Variants in CTNNA2 observed in about 807,000 individuals in gnomAD.
CTNNA2 encodes the protein catenin alpha-2.
A neutral mutation model predicts 101.0 loss-of-function variants in CTNNA2; 42 were observed. The ratio of observed to expected loss-of-function variants is 0.42; its 90% confidence interval spans 0.32 to 0.54. The LOEUF (loss-of-function observed/expected upper bound fraction) is 0.54. CTNNA2 is among the 20% of genes least tolerant of loss of function. CTNNA2 has a pLI of 0.14. For missense variants in CTNNA2, 871 were observed against 1,223.1 expected (o/e 0.71, Z 4.29); for synonymous variants, 450 against 456.4 (o/e 0.99, Z 0.18).
chr2:79,952,190 A>AT (rs1214595903), intron 7 of CTNNA2, among the ~76,000 whole-genome samples: 2 of 152,080 alleles, frequency 1.3e-5, no homozygotes, highest in Non-Finnish European at 2.9e-5. Context: ...CCCACTGCTT[A>AT]TTTTTTATAG....
chr2:79,787,157 A>T (rs1001997611), intron 3 of CTNNA2, among the ~76,000 whole-genome samples: 1 of 152,138 alleles, frequency 6.6e-6, no homozygotes, highest in Non-Finnish European at 1.5e-5. Context: ...CAAAATAATC[A>T]CCGCCTTTCT....
intron 3 of CTNNA2, among the ~76,000 whole-genome samples, chr2:79,815,978 G>T (rs917993613): frequency 4.7e-5 from 7 of 148,418 alleles, no homozygotes; most frequent in Non-Finnish European, 1.0e-4. Context: ...TCACCTCCTT[G>T]GTTAGGTGTA....
At chr2:80,334,002 G>T (rs1478005879) in intron 7 of CTNNA2, among the ~76,000 whole-genome samples, 1 of 152,198 alleles carries the variant, frequency 6.6e-6, no homozygotes, top group African/African-American at 2.4e-5. Context: ...GCACGTCAAA[G>T]GCACTCTCCA....
intron 2 of CTNNA2, among the ~76,000 whole-genome samples, chr2:79,703,250 T>G (rs1685128963): frequency 6.6e-6 from 1 of 152,222 alleles, no homozygotes; most frequent in Non-Finnish European, 1.5e-5. Flanking sequence ...AAACATCTGG[T>G]TGAAAAGCAG....
chr2:79,875,451 A>G (rs1291860447), intron 6 of CTNNA2, among the ~76,000 whole-genome samples: 3 of 152,220 alleles, frequency 2.0e-5, no homozygotes, highest in Admixed American at 6.5e-5. Flanking sequence ...AATTCATAGA[A>G]GAAAAATAGG....
intron 4 of CTNNA2, among the ~76,000 whole-genome samples, chr2:79,399,069 G>C (rs989140521): frequency 2.0e-5 from 3 of 152,044 alleles, no homozygotes; most frequent in African/African-American, 7.2e-5. Flanking sequence ...CACTATTTAT[G>C]ACAGCTCACT....
intron 3 of CTNNA2, among the ~76,000 whole-genome samples, chr2:79,786,071 A>G (rs925401): frequency 0.011 from 1,614 of 152,244 alleles, 51 homozygotes; most frequent in East Asian, 0.095. Flanking sequence ...ATTGTTATTG[A>G]TTGGAAGAGG....
intron 7 of CTNNA2, among the ~76,000 whole-genome samples, chr2:80,152,140 A>G (rs1047821112): frequency 6.6e-6 from 1 of 152,212 alleles, no homozygotes. Context: ...TATATATTTC[A>G]TCTTTCTAGA....
At chr2:79,597,077 C>A (rs1003635393) in intron 1 of CTNNA2, among the ~76,000 whole-genome samples, 1 of 152,176 alleles carries the variant, frequency 6.6e-6, no homozygotes, top group African/African-American at 2.4e-5. Flanking sequence ...CAGTTTGAAA[C>A]AGTATTAAAT....
At position 79,300,448 on chromosome 2, in the gene CTNNA2, A is replaced by G. The variant is rs573417753; in HGVS notation, c.-405-12261A>G. ...TCCTGGATCTCAGAGACCCTAAAGA[A>G]GAAGTTACACCACTTTCTTCTCTCT... On this transcript the variant is annotated intron_variant, in intron 2 of 21. Transcript: ENST00000466387. Among the ~76,000 whole-genome samples the G allele has an allele frequency of 2.6e-5, 4 of 152,344 alleles. No individual in the cohort carries two copies. The East Asian group carries it at 7.7e-4, about 29-fold the overall frequency.
chr2:79,306,870 T>A (rs1676260154), intron 2 of CTNNA2, among the ~76,000 whole-genome samples: 1 of 152,228 alleles, frequency 6.6e-6, no homozygotes, highest in African/African-American at 2.4e-5. Flanking sequence ...TGATAACTAA[T>A]GAGATAAGAC....
At chr2:79,464,734 A>G (rs557315159) in intron 4 of CTNNA2, among the ~76,000 whole-genome samples, 53 of 152,246 alleles carry the variant, frequency 3.5e-4, no homozygotes, top group African/African-American at 9.4e-4. Flanking sequence ...TTGATGGCCA[A>G]TGATGATGAG....
At chr2:79,403,408 T>C (rs949796882) in intron 4 of CTNNA2, among the ~76,000 whole-genome samples, 1 of 151,904 alleles carries the variant, frequency 6.6e-6, no homozygotes. Context: ...TTAAATCAAT[T>C]ACATAGAATT....
At position 80,604,122 on chromosome 2, in the gene CTNNA2, G is replaced by A. The variant is rs1328627612; in HGVS notation, c.2238G>A (p.Lys746=). 1 of 1,613,156 alleles carries A rather than the reference G, an allele frequency of 6.2e-7. No homozygotes were observed. The change falls in exon 16 of 19, where the codon AAG becomes AAA. Residue 746 remains lysine (K), a synonymous_variant. Coordinates refer to ENST00000402739, the MANE Select transcript of CTNNA2 (RefSeq NM_001282597.3). ...CATCTGATGTCATTAATGCTGCCAA[G>A]AAAATTGCCGAAGCAGGTTCTCGAA... ...KNTSDVINAA[K]KIAEAGSRMD...
At chr2:79,976,502 T>C (rs1449544969) in intron 7 of CTNNA2, among the ~76,000 whole-genome samples, 2 of 152,200 alleles carry the variant, frequency 1.3e-5, no homozygotes, top group East Asian at 3.9e-4. Flanking sequence ...TTCAGGCCTT[T>C]CCATCAGTGC....
Position 79,929,558 on chromosome 2 carries a change from C to T in CTNNA2, c.1056+19761C>T, listed in dbSNP as rs764453000. ...GTGTTGTGAGCATTTAGCAGGAATG[C>T]TGTAACTAGAAATTAAAACATGAGG... On this transcript the variant is annotated intron_variant, in intron 7 of 18. Coordinates refer to ENST00000402739, the MANE Select transcript of CTNNA2 (RefSeq NM_001282597.3). Among the ~76,000 whole-genome samples, 116 of 152,186 alleles carry T rather than the reference C, an allele frequency of 7.6e-4. 1 individual carries two copies. The highest frequency in any genetic ancestry group is 7.9e-4 in the Non-Finnish European group (54 of 68,030).
intron 9 of CTNNA2, among the ~76,000 whole-genome samples, chr2:80,436,585 A>T (rs944742063): frequency 6.6e-5 from 10 of 152,216 alleles, no homozygotes; most frequent in Non-Finnish European, 1.3e-4. Flanking sequence ...ATGGTGCTGG[A>T]ACAAAATACC....
chr2:79,863,363 T>A (rs564537098), intron 4 of CTNNA2, among the ~76,000 whole-genome samples: 1 of 152,282 alleles, frequency 6.6e-6, no homozygotes, highest in East Asian at 1.9e-4. Flanking sequence ...AAGGATGATG[T>A]GGTTGGGAGA....
intron 1 of CTNNA2, among the ~76,000 whole-genome samples, chr2:79,650,027 A>G (rs1444287617): frequency 6.6e-6 from 1 of 152,146 alleles, no homozygotes; most frequent in Admixed American, 6.5e-5. Flanking sequence ...ACAGCCATGG[A>G]CATTTTGATT....
Sources: gnomAD v4.1 joint callset for allele counts (sites outside exome capture counted in the v4.1 genomes callset) on GRCh38, gnomAD v4.1.1 for gene constraint, MANE v1.5 for transcripts, NCBI Gene and HGNC (gene_info 2026-07-23, HGNC 2026-07-21) for gene names.